The following ZNF710 variants were observed in gnomAD, a reference collection of about 807,000 sequenced individuals.
ZNF710 encodes zinc finger protein 710.
ZNF710 carries 13 observed loss-of-function variants against 50.6 expected under a neutral mutation model. The observed-to-expected ratio is 0.26, with a 90% confidence interval of 0.17 to 0.41. The LOEUF is 0.41. ZNF710 is among the 10% of genes least tolerant of loss of function. The pLI, the probability that ZNF710 is intolerant of heterozygous loss-of-function variation, is 1.00. For missense variants in ZNF710, 721 were observed against 936.6 expected (o/e 0.77, Z 3.01); for synonymous variants, 383 against 397.0 (o/e 0.96, Z 0.42).
intron 1 of ZNF710, among the ~76,000 whole-genome samples, chr15:90,023,049 T>C (rs546612376): frequency 2.0e-5 from 3 of 152,330 alleles, no homozygotes; most frequent in Non-Finnish European, 4.4e-5. Context: ...ATTCTTTGAA[T>C]TCAGTGACCC....
intron 1 of ZNF710, among the ~76,000 whole-genome samples, chr15:90,009,472 A>AC (rs570855363): frequency 4.3e-4 from 65 of 151,508 alleles, no homozygotes; most frequent in Non-Finnish European, 7.4e-4. Context: ...GAAATTCAGA[A>AC]CTCTTCCTGT....
At chr15:90,037,688 TG>T (rs1203766129) in intron 1 of ZNF710, among the ~76,000 whole-genome samples, 1 of 152,210 alleles carries the variant, frequency 6.6e-6, no homozygotes, top group African/African-American at 2.4e-5. Context: ...GCCACAATTA[TG>T]AGAGCATCTT....
intron 1 of ZNF710, among the ~76,000 whole-genome samples, chr15:90,021,037 C>T (rs1311034634): frequency 1.4e-5 from 2 of 147,804 alleles, no homozygotes; most frequent in African/African-American, 5.3e-5. Flanking sequence ...GCCTGGGGGA[C>T]GTCAGCTCCA....
At chr15:90,052,578 G>A (rs1412061483) in intron 1 of ZNF710, among the ~76,000 whole-genome samples, 2 of 152,258 alleles carry the variant, frequency 1.3e-5, no homozygotes, top group Non-Finnish European at 2.9e-5. Context: ...GCTCTGTGAC[G>A]TAGACAAATC....
intron 1 of ZNF710, among the ~76,000 whole-genome samples, chr15:90,048,315 T>C (rs1374316866): frequency 6.6e-6 from 1 of 152,224 alleles, no homozygotes; most frequent in African/African-American, 2.4e-5. Context: ...GGAGATCTTG[T>C]GTTTCCTTCT....
chr15:90,077,448 G>A (rs2151541188), intron 4 of ZNF710, among the ~76,000 whole-genome samples: 1 of 152,154 alleles, frequency 6.6e-6, no homozygotes, highest in South Asian at 2.1e-4. Context: ...GTTTCACGGT[G>A]TTAGCCAGGA....
intron 1 of ZNF710, among the ~76,000 whole-genome samples, chr15:90,027,461 C>G (rs138926960): frequency 2.4e-4 from 36 of 152,234 alleles, no homozygotes; most frequent in Admixed American, 1.6e-3. Flanking sequence ...CCACCTGCCT[C>G]GGCCTCCCAA....
chr15:90,015,173 G>A (rs1898418148), intron 1 of ZNF710, among the ~76,000 whole-genome samples: 1 of 152,168 alleles, frequency 6.6e-6, no homozygotes, highest in Non-Finnish European at 1.5e-5. Flanking sequence ...TTACAGGCAT[G>A]AGCCACTGCG....
At chr15:90,015,042 A>G (rs902388527) in intron 1 of ZNF710, among the ~76,000 whole-genome samples, 2 of 151,836 alleles carry the variant, frequency 1.3e-5, no homozygotes, top group Admixed American at 6.6e-5. Flanking sequence ...ACAGGCATGC[A>G]CCACTACCCC....
intron 1 of ZNF710, among the ~76,000 whole-genome samples, chr15:90,048,094 A>T (rs1596287293): frequency 6.6e-6 from 1 of 152,076 alleles, no homozygotes; most frequent in Non-Finnish European, 1.5e-5. Context: ...TGGCACTGTC[A>T]CTCTCAGGGC....
intron 1 of ZNF710, among the ~76,000 whole-genome samples, chr15:90,004,896 G>A (rs528537986): frequency 6.6e-6 from 1 of 152,348 alleles, no homozygotes; most frequent in East Asian, 1.9e-4. Flanking sequence ...AGACAACTAG[G>A]GGGAACTGGG....
At chr15:90,039,221 G>A (rs1899226534) in intron 1 of ZNF710, among the ~76,000 whole-genome samples, 1 of 151,992 alleles carries the variant, frequency 6.6e-6, no homozygotes, top group African/African-American at 2.4e-5. Context: ...GGAGGTTGCA[G>A]TGAGCTGAGA....
chr15:89,999,587 T>C (rs560245565), upstream of ZNF710, among the ~76,000 whole-genome samples: 257 of 152,300 alleles, frequency 1.7e-3, 1 homozygote, highest in African/African-American at 6.1e-3. Flanking sequence ...CAGGCTACTG[T>C]TTCCTCACTC....
intron 1 of ZNF710, among the ~76,000 whole-genome samples, chr15:90,058,316 G>A (rs1375745811): frequency 6.6e-6 from 1 of 152,196 alleles, no homozygotes; most frequent in East Asian, 1.9e-4. Context: ...CACTGAGAGT[G>A]TGCATCTGCT....
At chr15:90,010,192 C>T (rs1898261060) in intron 1 of ZNF710, among the ~76,000 whole-genome samples, 1 of 152,194 alleles carries the variant, frequency 6.6e-6, no homozygotes, top group Admixed American at 6.5e-5. Flanking sequence ...TGTAGACAGC[C>T]TAGGGCTGGA....
chr15:90,032,055 G>C (rs1404195767), intron 1 of ZNF710, among the ~76,000 whole-genome samples: 5 of 152,180 alleles, frequency 3.3e-5, no homozygotes, highest in Admixed American at 3.3e-4. Flanking sequence ...GGAGTGCAGT[G>C]GCGCGATCTC....
intron 1 of ZNF710, among the ~76,000 whole-genome samples, chr15:90,011,099 C>A (rs896696320): frequency 4.0e-5 from 6 of 151,632 alleles, no homozygotes; most frequent in Non-Finnish European, 7.4e-5. Context: ...CCTGGCTAAT[C>A]TTTGTATTTT....
At chr15:90,014,365 A>G (rs372916218) in intron 1 of ZNF710, among the ~76,000 whole-genome samples, 4 of 152,198 alleles carry the variant, frequency 2.6e-5, no homozygotes, top group African/African-American at 9.6e-5. Context: ...AGGGACTTCA[A>G]GATGGGTTAA....
chr15:90,010,547 A>T (rs1026348563), intron 1 of ZNF710, among the ~76,000 whole-genome samples: 1 of 152,056 alleles, frequency 6.6e-6, no homozygotes, highest in African/African-American at 2.4e-5. Flanking sequence ...CACTTGCCTC[A>T]GCCTCCCATA....
Sources: gnomAD v4.1 joint callset for allele counts (sites outside exome capture counted in the v4.1 genomes callset) on GRCh38, gnomAD v4.1.1 for gene constraint, MANE v1.5 for transcripts, NCBI Gene and HGNC (gene_info 2026-07-23, HGNC 2026-07-21) for gene names.